PTPRT: variants seen among roughly 807,000 people sequenced by gnomAD.
The protein encoded by PTPRT is receptor-type tyrosine-protein phosphatase T.
PTPRT carries 56 observed loss-of-function variants against 176.8 expected under a neutral mutation model. The ratio of observed to expected loss-of-function variants is 0.32; its 90% confidence interval spans 0.26 to 0.40. The LOEUF is 0.40. Ranked by LOEUF, PTPRT falls within the 10% of genes least tolerant of loss-of-function variation. The pLI, the probability that PTPRT is intolerant of heterozygous loss-of-function variation, is 1.00. For synonymous variants in PTPRT, 783 were observed against 739.0 expected (o/e 1.06, Z -0.96); for missense variants, 1,540 against 1,908.2 (o/e 0.81, Z 3.60).
At chr20:42,836,018 A>G (rs2078174965) in intron 2 of PTPRT, among the ~76,000 whole-genome samples, 1 of 151,856 alleles carries the variant, frequency 6.6e-6, no homozygotes, top group Non-Finnish European at 1.5e-5. Context: ...GATGATGCAA[A>G]CCCCTCTGTT....
chr20:43,005,898 G>A (rs1203330192), intron 1 of PTPRT, among the ~76,000 whole-genome samples: 2 of 152,056 alleles, frequency 1.3e-5, no homozygotes, highest in Non-Finnish European at 2.9e-5. Flanking sequence ...TCTTCTAACA[G>A]CAAAAACCAG....
At chr20:42,958,140 G>C (rs1185575397) in intron 1 of PTPRT, among the ~76,000 whole-genome samples, 1 of 123,562 alleles carries the variant, frequency 8.1e-6, no homozygotes, top group Non-Finnish European at 1.7e-5. Context: ...TGTGTACCTC[G>C]AGAGGCTAGG....
intron 2 of PTPRT, among the ~76,000 whole-genome samples, 169 bp downstream of exon 2, chr20:42,885,638 A>G (rs2079089390): frequency 6.6e-6 from 1 of 152,180 alleles, no homozygotes; most frequent in Non-Finnish European, 1.5e-5. Flanking sequence ...AATCCTGAAG[A>G]ATTCATTCAG....
chr20:42,407,107 T>G (rs73906929), intron 9 of PTPRT, among the ~76,000 whole-genome samples: 4,748 of 152,222 alleles, frequency 0.031, 84 homozygotes, highest in South Asian at 0.041. Context: ...GATTTAGAGG[T>G]AAGACTATGG....
chr20:42,689,946 A>G (rs62205376), intron 6 of PTPRT, among the ~76,000 whole-genome samples: 29,340 of 152,136 alleles, frequency 0.19, 2,974 homozygotes, highest in East Asian at 0.23. Context: ...GTCTTAGACC[A>G]CTAACTTTGT....
intron 11 of PTPRT, among the ~76,000 whole-genome samples, chr20:42,326,968 AC>A (rs1394222178): frequency 2.3e-4 from 35 of 151,464 alleles, no homozygotes; most frequent in African/African-American, 8.5e-4. Context: ...AAAAAAAACA[AC>A]AAAGGAATGA....
intron 15 of PTPRT, among the ~76,000 whole-genome samples, chr20:42,204,665 G>A (rs2055406661): frequency 6.6e-6 from 1 of 152,100 alleles, no homozygotes; most frequent in Non-Finnish European, 1.5e-5. Flanking sequence ...TCTGACCTTC[G>A]CTTGTTAGCT....
intron 7 of PTPRT, among the ~76,000 whole-genome samples, chr20:42,473,054 C>G (rs539079163): frequency 6.6e-6 from 1 of 152,332 alleles, no homozygotes; most frequent in African/African-American, 2.4e-5. Flanking sequence ...AACTGAGTCA[C>G]AGCCTCAACC....
chr20:43,182,902 T>G (rs1186020364), intron 1 of PTPRT, among the ~76,000 whole-genome samples: 5 of 152,198 alleles, frequency 3.3e-5, no homozygotes, highest in African/African-American at 1.2e-4. Flanking sequence ...CTTCTACTCT[T>G]CTGTTAAATC....
intron 25 of PTPRT, among the ~76,000 whole-genome samples, chr20:42,103,839 CAT>C (rs1291238217): frequency 1.3e-5 from 2 of 152,196 alleles, no homozygotes; most frequent in Non-Finnish European, 2.9e-5. Context: ...AGTTAAAAAA[CAT>C]ATTCACAGTT....
chr20:42,153,828 GATC>G (rs1488923549), intron 17 of PTPRT, among the ~76,000 whole-genome samples: 2 of 152,152 alleles, frequency 1.3e-5, no homozygotes, highest in South Asian at 4.1e-4. Flanking sequence ...CAGGGGCCAT[GATC>G]ATAACCTTGG....
chr20:42,929,964 A>T (rs1271920706), intron 1 of PTPRT, among the ~76,000 whole-genome samples: 1 of 152,218 alleles, frequency 6.6e-6, no homozygotes, highest in Admixed American at 6.5e-5. Flanking sequence ...CTGTGTCCCC[A>T]TCTCAGTGCC....
Position 42,248,812 on chromosome 20 carries a change from G to A in PTPRT, c.2187C>T (p.Thr729=). 6.2e-7 allele frequency: 1 copy of A among 1,613,918 alleles called. No individual in the cohort carries two copies. The highest frequency in any genetic ancestry group is 8.5e-7 in the Non-Finnish European group (1 of 1,179,846). Residue 729 remains threonine (T), a synonymous_variant, in exon 14 of 31, where the codon ACC becomes ACT. Transcript: ENST00000373187. ...CTGGCTCCACAGTGTTAGAATTCTG[G>A]GTGGAGGCACCTAGGAAGGGAAAGG... ...CVRLATKGAS[T]QNSNTVEPEK...
chr20:42,967,941 G>A lies in PTPRT; in HGVS notation c.89-82009C>T, dbSNP rs530606605. Among the ~76,000 whole-genome samples the A allele has an allele frequency of 1.7e-4, 26 of 152,152 alleles. No individual in the cohort carries two copies. In the South Asian group the frequency reaches 4.2e-3, roughly 24 times the overall value. On this transcript the variant is annotated intron_variant, in intron 1 of 30. Transcript: ENST00000373187. ...GACATCAGGATAAAATCGAGAATGC[G>A]CGGTCTGTGCTTGTGAATTCCTACC... is the stretch of plus-strand genomic sequence containing the variant.
At chr20:42,779,273 A>G (rs2077180853) in intron 4 of PTPRT, among the ~76,000 whole-genome samples, 1 of 152,182 alleles carries the variant, frequency 6.6e-6, no homozygotes, top group South Asian at 2.1e-4. Context: ...GGAGAGGAGG[A>G]CCCATGATGT....
intron 1 of PTPRT, among the ~76,000 whole-genome samples, chr20:43,114,173 G>C (rs1382401261): frequency 6.6e-6 from 1 of 152,184 alleles, no homozygotes; most frequent in Non-Finnish European, 1.5e-5. Flanking sequence ...GATCTAACAT[G>C]AGATAAGCCT....
intron 23 of PTPRT, among the ~76,000 whole-genome samples, chr20:42,107,146 A>AAAAC (rs1207445551): frequency 1.3e-5 from 2 of 152,266 alleles, no homozygotes; most frequent in Non-Finnish European, 2.9e-5. Context: ...CATATAGCAT[A>AAAAC]AAACACCTAG....
intron 9 of PTPRT, among the ~76,000 whole-genome samples, chr20:42,430,205 G>A (rs979383760): frequency 6.6e-6 from 1 of 152,220 alleles, no homozygotes; most frequent in South Asian, 2.1e-4. Context: ...TGGGCAAGGG[G>A]AGGAATTTCA....
rs189762847 is a variant in PTPRT at position 42,386,252 on chromosome 20, C to A, written c.1561-33967G>T. ...CATTTTAGAGCCTGAATTTTAGAAACCCGTGGGACTAATAAAAGGTATTAT... is the reference window on the plus strand; with the variant it reads ...CATTTTAGAGCCTGAATTTTAGAAAACCGTGGGACTAATAAAAGGTATTAT... On this transcript the variant is annotated intron_variant, in intron 9 of 30. Transcript: ENST00000373187. Among the ~76,000 whole-genome samples the A allele has an allele frequency of 6.5e-3, 989 of 152,226 alleles. 9 individuals carry two copies. Among genetic ancestry groups the A allele is most frequent in the Non-Finnish European group, 8.7e-3 (589 of 68,024 alleles).
Sources: gnomAD v4.1 joint callset for allele counts (sites outside exome capture counted in the v4.1 genomes callset) on GRCh38, gnomAD v4.1.1 for gene constraint, MANE v1.5 for transcripts, NCBI Gene and HGNC (gene_info 2026-07-23, HGNC 2026-07-21) for gene names.